Variants in RTN1 observed in about 807,000 individuals in gnomAD.
RTN1 encodes reticulon-1.
A neutral mutation model predicts 65.5 loss-of-function variants in RTN1; 25 were observed. The ratio of observed to expected loss-of-function variants is 0.38; its 90% CI spans 0.28 to 0.53. RTN1 has a LOEUF of 0.53. RTN1 is among the 20% of genes least tolerant of loss of function. The pLI, the probability that RTN1 is intolerant of heterozygous loss-of-function variation, is 0.79. For synonymous variants in RTN1, 471 were observed against 447.6 expected, an observed-to-expected ratio of 1.05 and a Z score of -0.66; for missense variants, 983 against 1,025.4, an observed-to-expected ratio of 0.96 and a Z score of 0.57.
intron 3 of RTN1, among the ~76,000 whole-genome samples, chr14:59,713,275 G>C (rs1299311213): frequency 6.6e-6 from 1 of 152,170 alleles, no homozygotes; most frequent in Non-Finnish European, 1.5e-5. Context: ...GGCCACTGGT[G>C]GGGGAAAGGA....
chr14:59,660,052 C>A (rs1013487606), intron 3 of RTN1, among the ~76,000 whole-genome samples: 5 of 152,024 alleles, frequency 3.3e-5, no homozygotes, highest in African/African-American at 1.2e-4. Context: ...GAATATTTAC[C>A]AAGCAAATGG....
chr14:59,706,734 TCTCCGTGATGCTCAATGTTCTG>T (rs1884302370), intron 3 of RTN1, among the ~76,000 whole-genome samples: 1 of 152,188 alleles, frequency 6.6e-6, no homozygotes, highest in South Asian at 2.1e-4. Context: ...ATATTAGTAA[TCTCCGTGATGCTCAATGTTCTG>T]CTCAAACTGA....
rs766243780 is a variant in RTN1 at position 59,793,636 on chromosome 14, C to CCACACACA, written c.242-47163_242-47156dup. 3.4e-3 allele frequency among the ~76,000 whole-genome samples: 491 copies of CCACACACA among 144,280 alleles called. 15 individuals are homozygous for CCACACACA. The East Asian group carries it at 0.049, about 14-fold the overall frequency. 94.7% of individuals were successfully genotyped at this position (144,280 alleles called of 152,430 possible). A position where few individuals can be genotyped will look rare whatever the true frequency, so the allele number is the denominator to read the frequency against. On this transcript the variant is annotated intron_variant, in intron 1 of 8. Coordinates refer to ENST00000267484, the MANE Select transcript of RTN1 (RefSeq NM_021136.3). ...TTACCTTGTCAATTACAGGCACACA[C>CCACACACA]CACACACACACACACACACACACAC...
intron 1 of RTN1, among the ~76,000 whole-genome samples, chr14:59,762,009 T>C (rs1885757623): frequency 6.6e-6 from 1 of 152,054 alleles, no homozygotes; most frequent in Non-Finnish European, 1.5e-5. Flanking sequence ...TGGTGTGATG[T>C]GGTATGTGGT....
chr14:59,671,674 T>A (rs950062679), intron 3 of RTN1, among the ~76,000 whole-genome samples: 2 of 152,202 alleles, frequency 1.3e-5, no homozygotes, highest in Non-Finnish European at 2.9e-5. Context: ...CTTTACCACC[T>A]ACTGACACTT....
intron 1 of RTN1, among the ~76,000 whole-genome samples, chr14:59,826,312 A>G (rs1384944595): frequency 6.6e-6 from 1 of 152,260 alleles, no homozygotes; most frequent in African/African-American, 2.4e-5. Flanking sequence ...GTTAAGTGAT[A>G]GACTATATCT....
At chr14:59,761,497 C>T (rs1329627872) in intron 1 of RTN1, among the ~76,000 whole-genome samples, 1 of 152,216 alleles carries the variant, frequency 6.6e-6, no homozygotes, top group East Asian at 1.9e-4. Flanking sequence ...CCACGTGGAA[C>T]TGTGAATCAA....
At chr14:59,723,404 A>C (rs932317326) in intron 3 of RTN1, among the ~76,000 whole-genome samples, 1 of 151,766 alleles carries the variant, frequency 6.6e-6, no homozygotes, top group Non-Finnish European at 1.5e-5. Flanking sequence ...CAGGAGATCA[A>C]GACCATCCTG....
chr14:59,797,168 T>C (rs1225266741), intron 1 of RTN1, among the ~76,000 whole-genome samples: 1 of 152,196 alleles, frequency 6.6e-6, no homozygotes, highest in Non-Finnish European at 1.5e-5. Context: ...AGTTTGAGCT[T>C]CTTATTCTAT....
chr14:59,844,776 C>A (rs959949439), intron 1 of RTN1, among the ~76,000 whole-genome samples: 1 of 152,002 alleles, frequency 6.6e-6, no homozygotes, highest in Non-Finnish European at 1.5e-5. Context: ...AAAAAGATAA[C>A]GACTTAGGGA....
In RTN1 at chr14:59,870,356, G is replaced by T. The variant is rs2139685327; in HGVS notation, c.241+34C>A. 1 of 1,467,776 alleles carries T rather than the reference G, an allele frequency of 6.8e-7. No homozygotes were observed. Among genetic ancestry groups the T allele is most frequent in the African/African-American group, 1.5e-5 (1 of 68,708 alleles). 90.9% of individuals were successfully genotyped at this position (1,467,776 alleles called of 1,614,324 possible). The stretch of plus-strand genomic sequence containing the variant: ...GACTGACTGGGGGGCCCTGGTCCCC[G>T]ACGCCATTTGAGGGGCAGCGGCGCC... On this transcript the variant is annotated intron_variant, in intron 1 of 8. Coordinates refer to ENST00000267484, the MANE Select transcript of RTN1 (RefSeq NM_021136.3). This position sits in a 1 kb window ranked among gnomAD's most constrained non-coding sequence, Gnocchi z 5.1.
intron 1 of RTN1, among the ~76,000 whole-genome samples, chr14:59,783,172 T>C (rs1886188065): frequency 6.6e-6 from 1 of 152,214 alleles, no homozygotes; most frequent in Non-Finnish European, 1.5e-5. Context: ...ATCCCTATGT[T>C]GTGCTACACC....
At chr14:59,809,659 T>C (rs1886694057) in intron 1 of RTN1, among the ~76,000 whole-genome samples, 1 of 152,176 alleles carries the variant, frequency 6.6e-6, no homozygotes, top group East Asian at 1.9e-4. Context: ...AATGTATCCA[T>C]TGGACAGGAA....
intron 3 of RTN1, among the ~76,000 whole-genome samples, chr14:59,636,005 T>G (rs1882658055): frequency 6.6e-6 from 1 of 152,174 alleles, no homozygotes; most frequent in Non-Finnish European, 1.5e-5. Flanking sequence ...GAAATACATC[T>G]AAATATATCT....
intron 3 of RTN1, among the ~76,000 whole-genome samples, chr14:59,616,500 G>C (rs138138554): frequency 1.7e-3 from 252 of 152,258 alleles, no homozygotes; most frequent in Non-Finnish European, 2.8e-3. Context: ...AGAAGACTAA[G>C]TGGCATTTGG....
Position 59,870,477 on chromosome 14 carries a change from C to A in RTN1, c.154G>T (p.Gly52Cys). The stretch of plus-strand genomic sequence containing the variant: ...GACGCCGCTTCCCGGGCCCTGGCGC[C>A]CAACCCCGGGCTGGGCTCCCCAGCC... Reference protein sequence around the residue: ...PQAGEPSPGLGARAREAASRE... With the variant: ...PQAGEPSPGLCARAREAASRE... Residue 52 changes from glycine to cysteine, a missense_variant, in exon 1 of 9, where the codon GGC becomes TGC. Transcript: ENST00000267484. This position sits in a 1 kb window ranked among gnomAD's most constrained non-coding sequence, Gnocchi z 5.1. 1 of 1,474,528 alleles carries A rather than the reference C, an allele frequency of 6.8e-7. No homozygotes were observed. Among genetic ancestry groups the A allele is most frequent in the South Asian group, 1.3e-5 (1 of 77,198 alleles). The allele number at this position is 1,474,528 out of a possible 1,614,324, so 91.3% of individuals were successfully genotyped here.
chr14:59,772,629 A>G (rs1339872123), intron 1 of RTN1, among the ~76,000 whole-genome samples: 1 of 151,910 alleles, frequency 6.6e-6, no homozygotes, highest in African/African-American at 2.4e-5. Context: ...TAAAACTATG[A>G]TGCATGTCTT....
intron 3 of RTN1, among the ~76,000 whole-genome samples, chr14:59,661,564 A>G (rs1484702192): frequency 3.3e-5 from 5 of 152,292 alleles, no homozygotes; most frequent in Non-Finnish European, 7.4e-5. Flanking sequence ...TGATCAAGTC[A>G]GCTTCATCAC....
At chr14:59,720,336 G>A (rs1032344374) in intron 3 of RTN1, among the ~76,000 whole-genome samples, 3 of 152,146 alleles carry the variant, frequency 2.0e-5, no homozygotes, top group Non-Finnish European at 4.4e-5. Context: ...AATTCAGCTG[G>A]CTGCTGGCAG....
Sources: allele counts gnomAD v4.1 joint callset (sites outside exome capture counted in the v4.1 genomes callset), GRCh38; gene constraint gnomAD v4.1.1; non-coding constraint Gnocchi (gnomAD v3.1); transcripts MANE v1.5; gene names NCBI Gene and HGNC (gene_info 2026-07-23, HGNC 2026-07-21).